Variants in SHC3 observed in about 807,000 individuals in gnomAD.
SHC3 encodes SHC adaptor protein 3.
In SHC3, 15 loss-of-function variants were observed where a neutral mutation model predicts 60.4. The observed-to-expected ratio is 0.25, with a 90% confidence interval of 0.17 to 0.38. SHC3 has a LOEUF of 0.38. SHC3 is among the 10% of genes least tolerant of loss of function. SHC3 has a pLI of 1.00. For synonymous variants in SHC3, 294 were observed against 325.9 expected, an observed-to-expected ratio of 0.90 and a Z score of 1.05; for missense variants, 677 against 786.1, an observed-to-expected ratio of 0.86 and a Z score of 1.66.
chr9:89,155,480 C>T (rs1342725664), intron 1 of SHC3, among the ~76,000 whole-genome samples: 1 of 152,100 alleles, frequency 6.6e-6, no homozygotes, highest in Non-Finnish European at 1.5e-5. Flanking sequence ...ACAGGATGTG[C>T]GAGTGTCACC....
At chr9:89,043,444 T>C (rs926437452) in intron 9 of SHC3, among the ~76,000 whole-genome samples, 1 of 152,172 alleles carries the variant, frequency 6.6e-6, no homozygotes, top group African/African-American at 2.4e-5. Context: ...AGAATTTCAT[T>C]AAAAAATTTT....
intron 7 of SHC3, among the ~76,000 whole-genome samples, chr9:89,051,229 G>A (rs1252085042): frequency 2.0e-5 from 3 of 152,138 alleles, no homozygotes; most frequent in African/African-American, 7.2e-5. Flanking sequence ...GTAAAGTTTT[G>A]TTTCTAGCGA....
At chr9:89,121,685 T>TA in intron 1 of SHC3, among the ~76,000 whole-genome samples, 1 of 152,300 alleles carries the variant, frequency 6.6e-6, no homozygotes, top group African/African-American at 2.4e-5. Flanking sequence ...TGAAAATGCA[T>TA]AAAAAGAATT....
chr9:89,068,622 AG>A lies in SHC3; in HGVS notation c.783+2576del, dbSNP rs1422429786. Among the ~76,000 whole-genome samples, 4 of 152,140 alleles carry A rather than the reference AG, an allele frequency of 2.6e-5. No individual in the cohort carries two copies. The East Asian group carries it at 7.7e-4, about 29-fold the overall frequency. On this transcript the variant is annotated intron_variant, in intron 5 of 11. Coordinates refer to ENST00000375835, the MANE Select transcript of SHC3 (RefSeq NM_016848.6). Reference sequence around the variant, plus strand: ...AAAAAGAAATCACAGAAAATATAAAAGGTTGTGGATTACTTTAAGGATTACT... The same window carrying A: ...AAAAAGAAATCACAGAAAATATAAAAGTTGTGGATTACTTTAAGGATTACT...
intron 4 of SHC3, 107 bp downstream of exon 4, chr9:89,075,002 A>T (rs962893999): frequency 2.1e-6 from 3 of 1,413,876 alleles, no homozygotes; most frequent in Admixed American, 2.7e-5. Flanking sequence ...TAAAAATTTG[A>T]CACAAAATAT....
At chr9:89,139,962 C>T (rs1826369447) in intron 1 of SHC3, among the ~76,000 whole-genome samples, 1 of 152,104 alleles carries the variant, frequency 6.6e-6, no homozygotes, top group African/African-American at 2.4e-5. Flanking sequence ...ATTTAGCAAG[C>T]CTAATATCTG....
chr9:89,062,093 G>A (rs767205840), intron 6 of SHC3, among the ~76,000 whole-genome samples: 13 of 152,182 alleles, frequency 8.5e-5, no homozygotes, highest in Non-Finnish European at 1.5e-4. Context: ...GTAGGCAGTC[G>A]TATGCCTAAT....
At chr9:89,042,711 CTGGGTCTGTGAAGGAAGCCCAGGG>C (rs1824707636) in intron 9 of SHC3, among the ~76,000 whole-genome samples, 1 of 152,218 alleles carries the variant, frequency 6.6e-6, no homozygotes, top group Non-Finnish European at 1.5e-5. Context: ...GTTACTGCCC[CTGGGTCTGTGAAGGAAGCCCAGGG>C]TGGGTGTGCA....
rs1657864513 is a variant in SHC3 at position 89,065,437 on chromosome 9, G to A, written c.835+92C>T. On this transcript the variant is annotated intron_variant, in intron 6 of 11. Transcript: ENST00000375835. ...ACAAGATGGCACTACTCATTTGTTG[G>A]GAGGGGGCTGAGATAACGAGGACCA... is the stretch of plus-strand genomic sequence containing the variant. 37 of 1,310,156 alleles carry A rather than the reference G, an allele frequency of 2.8e-5. 2 individuals carry two copies. In the South Asian group the frequency reaches 4.1e-4, roughly 15 times the overall value. The allele number at this position is 1,310,156 out of a possible 1,614,324, so 81.2% of individuals were successfully genotyped here. A position where few individuals can be genotyped will look rare whatever the true frequency, so the allele number is the denominator to read the frequency against.
At chr9:89,026,724 C>T (rs1246138756) in intron 11 of SHC3, among the ~76,000 whole-genome samples, 1 of 152,204 alleles carries the variant, frequency 6.6e-6, no homozygotes, top group Non-Finnish European at 1.5e-5. Context: ...ACCCTGTCCG[C>T]CCAGGGCTTA....
intron 2 of SHC3, among the ~76,000 whole-genome samples, chr9:89,110,813 A>G (rs1026292052): frequency 6.6e-6 from 1 of 152,154 alleles, no homozygotes; most frequent in African/African-American, 2.4e-5. Context: ...CCTTCCCAAA[A>G]ATCTAAATGG....
chr9:89,115,687 C>A lies in SHC3; in HGVS notation c.475-3061G>T, dbSNP rs143802138. Reference sequence around the variant, plus strand: ...TGATGAACTGCACAGTGCATGTCAACCCTACTACCACCAGCATTGCAGAGT... The same window carrying A: ...TGATGAACTGCACAGTGCATGTCAAACCTACTACCACCAGCATTGCAGAGT... On this transcript the variant is annotated intron_variant, in intron 1 of 11. Coordinates refer to ENST00000375835, the MANE Select transcript of SHC3 (RefSeq NM_016848.6). Among the ~76,000 whole-genome samples the A allele has an allele frequency of 5.3e-5, 8 of 152,240 alleles. No homozygotes were observed. In the East Asian group the frequency reaches 1.4e-3, roughly 26 times the overall value.
chr9:89,164,135 C>T (rs1372264560), intron 1 of SHC3, among the ~76,000 whole-genome samples: 1 of 152,196 alleles, frequency 6.6e-6, no homozygotes, highest in Non-Finnish European at 1.5e-5. Context: ...ATGCCACACA[C>T]ATGTAAGCCC....
chr9:89,056,871 C>T (rs1455464398), intron 6 of SHC3, among the ~76,000 whole-genome samples: 1 of 152,268 alleles, frequency 6.6e-6, no homozygotes, highest in Non-Finnish European at 1.5e-5. Flanking sequence ...AGACCCTGCC[C>T]AAGCCAAGGC....
At chr9:89,082,018 G>A (rs1005394254) in intron 2 of SHC3, among the ~76,000 whole-genome samples, 1 of 151,886 alleles carries the variant, frequency 6.6e-6, no homozygotes, top group African/African-American at 2.4e-5. Context: ...TACCTTGCAG[G>A]GAAACAGGCG....
At chr9:89,085,646 C>A (rs554637643) in intron 2 of SHC3, among the ~76,000 whole-genome samples, 1 of 152,226 alleles carries the variant, frequency 6.6e-6, no homozygotes, top group Non-Finnish European at 1.5e-5. Flanking sequence ...TGTTCCACTC[C>A]GGGACCTAAT....
At chr9:89,029,434 C>A (rs995872300) in intron 11 of SHC3, among the ~76,000 whole-genome samples, 5 of 152,024 alleles carry the variant, frequency 3.3e-5, no homozygotes, top group African/African-American at 1.2e-4. Context: ...CATACTACAA[C>A]TAACCATACT....
At position 89,034,426 on chromosome 9, in the gene SHC3, T is replaced by C. The variant is rs113704751; in HGVS notation, c.1656+3567A>G. Among the ~76,000 whole-genome samples, 574 of 152,222 alleles carry C rather than the reference T, an allele frequency of 3.8e-3. 2 individuals are homozygous for C. Among genetic ancestry groups the C allele is most frequent in the African/African-American group, 0.013 (545 of 41,536 alleles). On this transcript the variant is annotated intron_variant, in intron 11 of 11. Coordinates refer to ENST00000375835, the MANE Select transcript of SHC3 (RefSeq NM_016848.6). ...ACCAGTGCAATCATTCCTTTTCAGG[T>C]TTGGAGTGGACAAGGACACTCTCCC...
chr9:89,014,072 T>C (rs1587673035), intron 11 of SHC3, among the ~76,000 whole-genome samples: 1 of 152,092 alleles, frequency 6.6e-6, no homozygotes, highest in Non-Finnish European at 1.5e-5. Context: ...TTCCTTCCTC[T>C]CCAGACATCC....
Sources: allele counts gnomAD v4.1 joint callset (sites outside exome capture counted in the v4.1 genomes callset), GRCh38; gene constraint gnomAD v4.1.1; transcripts MANE v1.5; gene names NCBI Gene and HGNC (gene_info 2026-07-23, HGNC 2026-07-21).